Variants in ZFHX4 observed in about 807,000 individuals in gnomAD.
The protein encoded by ZFHX4 is zinc finger homeobox protein 4.
In ZFHX4, 56 loss-of-function variants were observed where a neutral mutation model predicts 267.6. The observed-to-expected ratio is 0.21, with a 90% CI of 0.17 to 0.26. The LOEUF (loss-of-function observed/expected upper bound fraction) is 0.26. Among genes scored for constraint, ZFHX4 ranks in the 10% least tolerant of loss-of-function variants. The pLI is 1.00. For missense variants in ZFHX4, 4,332 were observed against 4,420.0 expected (o/e 0.98, Z 0.56); for synonymous variants, 1,778 against 1,665.6 (o/e 1.07, Z -1.64).
chr8:76,835,763 T>A (rs568285154), intron 5 of ZFHX4, among the ~76,000 whole-genome samples: 1 of 152,116 alleles, frequency 6.6e-6, no homozygotes, highest in African/African-American at 2.4e-5. Context: ...TCAAGAGTTA[T>A]GGCAAACATT....
chr8:76,716,669 T>C (rs1481132500), intron 3 of ZFHX4, among the ~76,000 whole-genome samples: 1 of 152,172 alleles, frequency 6.6e-6, no homozygotes, highest in Non-Finnish European at 1.5e-5. Context: ...GTATTGCAGA[T>C]GTAGTAAGAG....
intron 10 of ZFHX4, among the ~76,000 whole-genome samples, chr8:76,859,252 A>ATATT (rs1315750314): frequency 6.6e-6 from 1 of 152,126 alleles, no homozygotes; most frequent in Non-Finnish European, 1.5e-5. Context: ...TTCAAGGGTA[A>ATATT]TATTCATCAT....
chr8:76,748,489 C>T (rs895117539), intron 3 of ZFHX4, among the ~76,000 whole-genome samples: 5 of 152,210 alleles, frequency 3.3e-5, no homozygotes, highest in African/African-American at 9.7e-5. Flanking sequence ...GGCCAGAGTG[C>T]AGTGGCACGA....
chr8:76,733,648 A>G (rs1809080243), intron 3 of ZFHX4, among the ~76,000 whole-genome samples: 1 of 152,306 alleles, frequency 6.6e-6, no homozygotes, highest in Non-Finnish European at 1.5e-5. Context: ...TTTGCCTTAT[A>G]TTAAGATAAT....
intron 4 of ZFHX4, among the ~76,000 whole-genome samples, chr8:76,827,384 C>T (rs1002250842): frequency 2.6e-5 from 4 of 152,266 alleles, no homozygotes; most frequent in South Asian, 2.1e-4. Context: ...TAACAAGCCA[C>T]GGACCAGGAG....
At chr8:76,813,719 A>G (rs1292741879) in intron 4 of ZFHX4, among the ~76,000 whole-genome samples, 1 of 152,024 alleles carries the variant, frequency 6.6e-6, no homozygotes, top group Non-Finnish European at 1.5e-5. Context: ...GGTAATCTAC[A>G]CTCTCTAGGT....
At position 76,863,827 on chromosome 8, in the gene ZFHX4, T is replaced by A. The variant is rs1179983039; in HGVS notation, c.10113T>A (p.Ser3371Arg). 1.3e-6 allele frequency: 2 copies of A among 1,552,920 alleles called. No homozygotes were observed. The highest frequency in any genetic ancestry group is 1.7e-6 in the Non-Finnish European group (2 of 1,147,520). ...NDASETKEDK[S>R]TATESTKEEP... ...CTTCAGAAACAAAGGAAGACAAAAG[T>A]ACTGCTACAGAAAGCACAAAAGAAG... Residue 3371 changes from serine (S) to arginine (R), a missense_variant, in exon 11 of 11, where the codon AGT (serine) becomes AGA (arginine). By Grantham distance (110) the Ser-to-Arg change is moderately radical (BLOSUM62 -1). Around this residue, in one of 7 missense-constraint regions of ZFHX4, gnomAD observed 1,648 missense variants for 1,625.0 expected, o/e 1.01. Transcript: ENST00000651372.
chr8:76,778,474 C>G (rs1464342373), intron 4 of ZFHX4, 35 bp downstream of exon 4: 1 of 1,509,534 alleles, frequency 6.6e-7, no homozygotes, highest in South Asian at 1.1e-5. Flanking sequence ...CTCTGAGCCT[C>G]CCTCCACACC....
chr8:76,712,653 A>T (rs1176917979), intron 3 of ZFHX4, among the ~76,000 whole-genome samples: 2 of 152,218 alleles, frequency 1.3e-5, no homozygotes, highest in Non-Finnish European at 2.9e-5. Flanking sequence ...AAACCAAAAC[A>T]AGTTTTTCTT....
rs1345023237 is a variant in ZFHX4, at chr8:76,832,607, TAAAATGGAATCAAC to T, written c.3326-729_3326-716del. ...AGAGCACCCATGATAAGAGACTTGGTAAAATGGAATCAACAGCAGGTGGTGACTTGCTGTGGAGA... is the reference window on the plus strand; with the variant it reads ...AGAGCACCCATGATAAGAGACTTGGTAGCAGGTGGTGACTTGCTGTGGAGA... On this transcript the variant is annotated intron_variant, in intron 4 of 10. Transcript: ENST00000651372. 3.9e-5 allele frequency among the ~76,000 whole-genome samples: 6 copies of T among 152,026 alleles called. No homozygotes were observed. In the South Asian group the frequency reaches 1.2e-3, roughly 32 times the overall value.
chr8:76,705,461 G>C lies in ZFHX4; in HGVS notation c.1373G>C (p.Gly458Ala). ...GAAAGCAACGTTTTACACCCAAACG[G>C]GGAGTGCCCTGTCAAAAGTGAACCC... ...PKESNVLHPNGECPVKSEPTE... is the reference protein window; with the variant it reads ...PKESNVLHPNAECPVKSEPTE... The change falls in exon 2 of 11, where the codon GGG becomes GCG. Residue 458 changes from glycine to alanine, a missense_variant. By Grantham distance (60) the Gly-to-Ala change is moderately conservative. Around this residue, in one of 7 missense-constraint regions of ZFHX4, gnomAD observed 1,195 missense variants for 1,173.6 expected, o/e 1.02. Coordinates refer to ENST00000651372, the MANE Select transcript of ZFHX4 (RefSeq NM_024721.5). The C allele has an allele frequency of 6.2e-7, 1 of 1,613,746 alleles. No individual in the cohort carries two copies. The highest frequency in any genetic ancestry group is 8.5e-7 in the Non-Finnish European group (1 of 1,179,832).
chr8:76,705,947 C>A lies in ZFHX4; in HGVS notation c.1859C>A (p.Thr620Asn). ...GGCATCGAGTGTCCAAAGTGCGACA[C>A]TGTGTTGGGGTCTTCGAGGTCTCTT... is the stretch of plus-strand genomic sequence containing the variant. ...GSGIECPKCD[T>N]VLGSSRSLGG... The change falls in exon 2 of 11, where the codon ACT (threonine) becomes AAT (asparagine). Residue 620 changes from threonine to asparagine, a missense_variant. Coordinates refer to ENST00000651372, the MANE Select transcript of ZFHX4 (RefSeq NM_024721.5). 1 of 1,613,634 alleles carries A rather than the reference C, an allele frequency of 6.2e-7. No homozygotes were observed. The highest frequency in any genetic ancestry group is 8.5e-7 in the Non-Finnish European group (1 of 1,179,808).
chr8:76,772,545 C>A (rs763927593), intron 3 of ZFHX4, among the ~76,000 whole-genome samples: 2 of 152,022 alleles, frequency 1.3e-5, no homozygotes, highest in African/African-American at 2.4e-5. Context: ...TTTATGACTC[C>A]CAGGAGTCAT....
chr8:76,718,935 T>TCACACACA (rs34486060), intron 3 of ZFHX4, among the ~76,000 whole-genome samples: 2,435 of 141,342 alleles, frequency 0.017, 22 homozygotes, highest in African/African-American at 0.022. Context: ...CTGAAATTGA[T>TCACACACA]CACACACACA....
At chr8:76,706,896 C>T (rs1403157756) in intron 2 of ZFHX4, among the ~76,000 whole-genome samples, 2 of 152,156 alleles carry the variant, frequency 1.3e-5, no homozygotes, top group African/African-American at 2.4e-5. Flanking sequence ...GCGGCATCAG[C>T]GAAGTTAGCA....
chr8:76,753,629 C>CTTTTT (rs962115381), intron 3 of ZFHX4, among the ~76,000 whole-genome samples: 8 of 117,412 alleles, frequency 6.8e-5, no homozygotes, highest in African/African-American at 9.7e-5. Flanking sequence ...CGTCTTAGGC[C>CTTTTT]TTTTTTTTTT....
At chr8:76,754,445 C>T (rs529640112) in intron 3 of ZFHX4, among the ~76,000 whole-genome samples, 14 of 152,016 alleles carry the variant, frequency 9.2e-5, no homozygotes, top group Non-Finnish European at 1.6e-4. Context: ...GCCCAGATTG[C>T]GCCACTGCAC....
chr8:76,862,598 A>T (rs904840663), intron 10 of ZFHX4, among the ~76,000 whole-genome samples: 44 of 152,194 alleles, frequency 2.9e-4, no homozygotes, highest in Non-Finnish European at 6.0e-4. Context: ...TTCTGCTGGA[A>T]CATAGGCAGA....
intron 4 of ZFHX4, among the ~76,000 whole-genome samples, chr8:76,800,195 A>G (rs909984991): frequency 6.6e-6 from 1 of 152,038 alleles, no homozygotes; most frequent in Non-Finnish European, 1.5e-5. Context: ...TCTGCAAATG[A>G]TGGTGTCAGG....
Sources: gnomAD v4.1 joint callset for allele counts (sites outside exome capture counted in the v4.1 genomes callset) on GRCh38, gnomAD v4.1.1 for gene constraint, gnomAD v4.1.1 regional missense constraint, MANE v1.5 for transcripts, NCBI Gene and HGNC (gene_info 2026-07-23, HGNC 2026-07-21) for gene names.